Variants in PTK2 observed in about 807,000 individuals in gnomAD.
The protein encoded by PTK2 is protein tyrosine kinase 2.
In PTK2, 45 loss-of-function variants were observed where a neutral mutation model predicts 150.1. That is an observed-to-expected ratio of 0.30 (90% CI 0.24 to 0.38). The LOEUF is 0.38. Ranked by LOEUF, PTK2 falls within the 10% of genes least tolerant of loss-of-function variation. The pLI is 1.00. For missense variants in PTK2, 919 were observed against 1,307.3 expected (o/e 0.70, Z 4.58); for synonymous variants, 432 against 449.2 (o/e 0.96, Z 0.48).
chr8:140,880,406 G>T (rs936605956), intron 3 of PTK2, among the ~76,000 whole-genome samples: 4 of 152,190 alleles, frequency 2.6e-5, no homozygotes, highest in Non-Finnish European at 4.4e-5. Flanking sequence ...ACCTAGGTAT[G>T]AGGGCCATGA....
At chr8:140,733,599 T>C (rs962259657) in intron 22 of PTK2, among the ~76,000 whole-genome samples, 6 of 151,794 alleles carry the variant, frequency 4.0e-5, no homozygotes, top group Admixed American at 1.3e-4. Flanking sequence ...GAGGAACAAA[T>C]AGGAGCAAAA....
At chr8:140,898,733 T>C (rs1354367341) in intron 2 of PTK2, among the ~76,000 whole-genome samples, 1 of 152,174 alleles carries the variant, frequency 6.6e-6, no homozygotes. Context: ...ATAATTACTG[T>C]ACATGTTAAG....
chr8:140,696,081 T>C (rs1280978719), intron 26 of PTK2, among the ~76,000 whole-genome samples: 1 of 152,230 alleles, frequency 6.6e-6, no homozygotes, highest in Non-Finnish European at 1.5e-5. Context: ...TGCTTAACAC[T>C]GTACGGTGGT....
At chr8:140,704,757 C>T (rs750401519) in intron 24 of PTK2, among the ~76,000 whole-genome samples, 3 of 152,092 alleles carry the variant, frequency 2.0e-5, no homozygotes, top group Non-Finnish European at 2.9e-5. Context: ...TGCTCTGACC[C>T]TTGTGCTGGG....
At chr8:140,974,439 C>A (rs978655679) in intron 1 of PTK2, among the ~76,000 whole-genome samples, 3 of 152,134 alleles carry the variant, frequency 2.0e-5, no homozygotes, top group African/African-American at 7.2e-5. Flanking sequence ...CATTCCATGC[C>A]CGTCAGTCTC....
At chr8:140,703,454 G>A (rs1193679382) in intron 24 of PTK2, among the ~76,000 whole-genome samples, 1 of 151,910 alleles carries the variant, frequency 6.6e-6, no homozygotes, top group Non-Finnish European at 1.5e-5. Context: ...ACAAGAAACT[G>A]TTTCTTTGGA....
intron 14 of PTK2, among the ~76,000 whole-genome samples, chr8:140,785,679 C>T (rs1566329720): frequency 6.6e-6 from 1 of 152,132 alleles, no homozygotes. Context: ...CAAACTCTCT[C>T]AAATTGCTCA....
chr8:140,893,405 A>G (rs537861465), intron 2 of PTK2, among the ~76,000 whole-genome samples: 28 of 152,350 alleles, frequency 1.8e-4, no homozygotes, highest in African/African-American at 6.5e-4. Context: ...ACATCCATCA[A>G]TGGATAAACA....
chr8:140,750,272 T>C (rs1163013268), intron 17 of PTK2: 1 of 152,242 alleles, frequency 6.6e-6, no homozygotes, highest in Non-Finnish European at 1.5e-5. Context: ...AGGCATTCAT[T>C]TGATGCACAT....
chr8:140,775,999 G>C (rs547646302), intron 14 of PTK2, among the ~76,000 whole-genome samples: 6 of 152,060 alleles, frequency 3.9e-5, no homozygotes, highest in Non-Finnish European at 8.8e-5. Context: ...ACAATCAATA[G>C]TTTATTATTA....
At chr8:140,721,605 C>T (rs1158337093) in intron 22 of PTK2, 2 of 151,942 alleles carry the variant, frequency 1.3e-5, no homozygotes, top group African/African-American at 4.8e-5. Context: ...CGGGAACTAC[C>T]ATTGCTTTTA....
chr8:140,721,199 G>C (rs28679427), intron 22 of PTK2, among the ~76,000 whole-genome samples: 3,393 of 152,206 alleles, frequency 0.022, 131 homozygotes, highest in African/African-American at 0.078. Context: ...TTTCAAATGA[G>C]TTAATATCCA....
intron 5 of PTK2, among the ~76,000 whole-genome samples, chr8:140,851,546 A>G (rs1194444562): frequency 6.6e-6 from 1 of 152,210 alleles, no homozygotes; most frequent in Non-Finnish European, 1.5e-5. Context: ...ATGGTTAAGT[A>G]ACCCCAAATT....
intron 23 of PTK2, among the ~76,000 whole-genome samples, chr8:140,714,136 C>A (rs2100038252): frequency 6.6e-6 from 1 of 152,230 alleles, no homozygotes; most frequent in African/African-American, 2.4e-5. Context: ...GATCCCCCTA[C>A]CTCAGTCTCC....
chr8:140,773,501 G>T (rs1049116312), intron 14 of PTK2, among the ~76,000 whole-genome samples: 1 of 152,206 alleles, frequency 6.6e-6, no homozygotes, highest in Non-Finnish European at 1.5e-5. Context: ...CATCTGCAAA[G>T]ACTTCCAGGA....
intron 2 of PTK2, among the ~76,000 whole-genome samples, chr8:140,916,839 T>A (rs13273095): frequency 0.42 from 63,479 of 152,128 alleles, 15,184 homozygotes; most frequent in Non-Finnish European, 0.55. Flanking sequence ...TGCCTTTTAT[T>A]TTAGCTGAGC....
chr8:140,804,277 C>A (rs1267560953), intron 10 of PTK2, among the ~76,000 whole-genome samples: 1 of 150,682 alleles, frequency 6.6e-6, no homozygotes, highest in East Asian at 1.9e-4. Context: ...TTAATAAACA[C>A]TCTCCTTCTT....
chr8:140,751,639 G>A (rs936021307), intron 17 of PTK2, among the ~76,000 whole-genome samples: 2 of 151,950 alleles, frequency 1.3e-5, no homozygotes, highest in African/African-American at 4.8e-5. Context: ...CTACAGGTGC[G>A]TGCCACTATG....
chr8:140,681,399 T>C (rs2153582175), intron 27 of PTK2, among the ~76,000 whole-genome samples: 1 of 149,500 alleles, frequency 6.7e-6, no homozygotes, highest in Non-Finnish European at 1.5e-5. Flanking sequence ...TAACCTAACA[T>C]CACGCCCTGA....
Sources: gnomAD v4.1 joint callset for allele counts (sites outside exome capture counted in the v4.1 genomes callset) on GRCh38, gnomAD v4.1.1 for gene constraint, MANE v1.5 for transcripts, NCBI Gene and HGNC (gene_info 2026-07-23, HGNC 2026-07-21) for gene names.